RBMS1: variants seen among roughly 807,000 people sequenced by gnomAD.
RBMS1 encodes the protein RNA binding motif single stranded interacting protein 1, also known as RNA-binding motif, single-stranded-interacting protein 1.
A neutral mutation model predicts 62.3 loss-of-function variants in RBMS1; 17 were observed. That is an observed-to-expected ratio of 0.27 (90% CI 0.19 to 0.41). RBMS1 has a LOEUF of 0.41. RBMS1 is among the 10% of genes least tolerant of loss of function. The probability of loss-of-function intolerance (pLI) is 1.00; values close to 1 mark genes in which losing one functional copy is unlikely to be tolerated. For synonymous variants in RBMS1, 172 were observed against 170.0 expected, an observed-to-expected ratio of 1.01 and a Z score of -0.09; for missense variants, 334 against 504.5, an observed-to-expected ratio of 0.66 and a Z score of 3.24.
chr2:160,484,002 CTT>C (rs5835810), intron 1 of RBMS1, among the ~76,000 whole-genome samples: 1,897 of 131,578 alleles, frequency 0.014, 10 homozygotes, highest in African/African-American at 0.026. Flanking sequence ...GGATAAAATT[CTT>C]TTTTTTTTTT....
intron 1 of RBMS1, chr2:160,407,404 G>C: frequency 2.0e-6 from 2 of 985,846 alleles, no homozygotes; most frequent in Non-Finnish European, 2.4e-6. Flanking sequence ...CCCTGAGCGC[G>C]GCCCCCTTTG....
chr2:160,288,129 TG>T (rs1559325210), intron 6 of RBMS1, among the ~76,000 whole-genome samples: 1 of 151,946 alleles, frequency 6.6e-6, no homozygotes, highest in East Asian at 1.9e-4. Flanking sequence ...GAAATAGCAG[TG>T]TATTCCAGAA....
At chr2:160,333,310 G>A (rs754287170) in intron 2 of RBMS1, among the ~76,000 whole-genome samples, 1 of 152,196 alleles carries the variant, frequency 6.6e-6, no homozygotes, top group Non-Finnish European at 1.5e-5. Context: ...AGTATGTGTT[G>A]TAGAATGGAG....
rs1687713222 is a variant in RBMS1, at chr2:160,274,264, G to C, written c.*508C>G. The C allele has an allele frequency of 6.6e-6, 1 of 152,450 alleles. No homozygotes were observed. Among genetic ancestry groups the C allele is most frequent in the Non-Finnish European group, 1.5e-5 (1 of 67,992 alleles). 9.4% of individuals were successfully genotyped at this position (152,450 alleles called of 1,614,324 possible). ...ACACTGACGGCAACACTGAATTACA[G>C]CAACACTCGCACTGCAAGCACAGAA... On this transcript the variant is annotated 3_prime_UTR_variant, in exon 14 of 14. Coordinates refer to ENST00000348849, the MANE Select transcript of RBMS1 (RefSeq NM_016836.4).
chr2:160,432,724 A>G (rs1285918520), intron 1 of RBMS1, among the ~76,000 whole-genome samples: 1 of 152,154 alleles, frequency 6.6e-6, no homozygotes, highest in Non-Finnish European at 1.5e-5. Context: ...GGGAAAAGGG[A>G]GTAAAGGTCA....
chr2:160,337,644 A>G (rs749760990), intron 2 of RBMS1, among the ~76,000 whole-genome samples: 20 of 152,042 alleles, frequency 1.3e-4, no homozygotes, highest in Non-Finnish European at 2.4e-4. Flanking sequence ...GATGAGCTTC[A>G]TTTTAAGAAA....
intron 1 of RBMS1, among the ~76,000 whole-genome samples, chr2:160,463,083 G>A (rs1452214827): frequency 6.9e-6 from 1 of 144,828 alleles, no homozygotes; most frequent in Non-Finnish European, 1.5e-5. Context: ...CCGCTGTCAA[G>A]AGAAGAAAGA....
At chr2:160,356,243 G>C (rs969832685) in intron 2 of RBMS1, among the ~76,000 whole-genome samples, 3 of 152,070 alleles carry the variant, frequency 2.0e-5, no homozygotes, top group African/African-American at 4.8e-5. Context: ...TGCTAAAAGG[G>C]ATTATTTTGC....
chr2:160,290,102 G>A (rs1313146718), intron 6 of RBMS1, among the ~76,000 whole-genome samples: 2 of 139,554 alleles, frequency 1.4e-5, no homozygotes. Flanking sequence ...TCCTCATTTG[G>A]CCAGCATCTC....
intron 1 of RBMS1, among the ~76,000 whole-genome samples, chr2:160,484,246 A>G (rs1038879536): frequency 6.6e-6 from 1 of 152,150 alleles, no homozygotes; most frequent in Non-Finnish European, 1.5e-5. Flanking sequence ...CTGTAATCCC[A>G]GCACTTTGGG....
intron 2 of RBMS1, among the ~76,000 whole-genome samples, chr2:160,344,176 C>G (rs1270080967): frequency 6.6e-6 from 1 of 152,050 alleles, no homozygotes; most frequent in Non-Finnish European, 1.5e-5. Context: ...GGTAAAACAA[C>G]CCACTTCTGA....
chr2:160,373,678 A>C (rs554394704), intron 1 of RBMS1, among the ~76,000 whole-genome samples: 3 of 152,260 alleles, frequency 2.0e-5, no homozygotes, highest in Non-Finnish European at 2.9e-5. Flanking sequence ...ATTAAATTTA[A>C]ATTAATCACC....
At chr2:160,336,804 T>G (rs1214988022) in intron 2 of RBMS1, among the ~76,000 whole-genome samples, 1 of 152,192 alleles carries the variant, frequency 6.6e-6, no homozygotes, top group African/African-American at 2.4e-5. Context: ...TGGTGGCCAC[T>G]GTGCTGTGTA....
intron 2 of RBMS1, among the ~76,000 whole-genome samples, chr2:160,365,244 T>C (rs1002212700): frequency 6.6e-6 from 1 of 152,254 alleles, no homozygotes; most frequent in Non-Finnish European, 1.5e-5. Context: ...AGATAGACTC[T>C]TCTGTTATTG....
At chr2:160,357,129 G>A (rs1692845088) in intron 2 of RBMS1, among the ~76,000 whole-genome samples, 1 of 152,020 alleles carries the variant, frequency 6.6e-6, no homozygotes, top group African/African-American at 2.4e-5. Context: ...ATATCCCCAA[G>A]CTGCTGCTAC....
intron 1 of RBMS1, among the ~76,000 whole-genome samples, chr2:160,471,448 A>C (rs1189925892): frequency 6.6e-6 from 1 of 151,868 alleles, no homozygotes; most frequent in Non-Finnish European, 1.5e-5. Flanking sequence ...TAAGTTTATA[A>C]AGTCATAACT....
chr2:160,331,198 T>C (rs1183175080), intron 2 of RBMS1, among the ~76,000 whole-genome samples: 1 of 152,184 alleles, frequency 6.6e-6, no homozygotes, highest in Non-Finnish European at 1.5e-5. Context: ...TGGTACTGTG[T>C]TACAGCAGTC....
At chr2:160,440,756 G>A (rs1683379373) in intron 1 of RBMS1, among the ~76,000 whole-genome samples, 1 of 152,176 alleles carries the variant, frequency 6.6e-6, no homozygotes, top group Non-Finnish European at 1.5e-5. Context: ...CACATTGGAG[G>A]CAGCTATCAC....
chr2:160,355,170 C>T (rs527603966), intron 2 of RBMS1, among the ~76,000 whole-genome samples: 7 of 152,242 alleles, frequency 4.6e-5, no homozygotes, highest in African/African-American at 1.7e-4. Flanking sequence ...TCACTGCTGA[C>T]CATACAGGCT....
Sources: gnomAD v4.1 joint callset for allele counts (sites outside exome capture counted in the v4.1 genomes callset) on GRCh38, gnomAD v4.1.1 for gene constraint, MANE v1.5 for transcripts, NCBI Gene and HGNC (gene_info 2026-07-23, HGNC 2026-07-21) for gene names.